The following ZNG1E variants were observed in gnomAD, a reference collection of about 807,000 sequenced individuals.
ZNG1E encodes Zn regulated GTPase metalloprotein activator 1E.
chr9:65,684,007 G>T, the ZNG1E span, among the ~76,000 whole-genome samples: 5 of 152,268 alleles, frequency 3.3e-5, no homozygotes, highest in African/African-American at 1.2e-4. Flanking sequence ...TGACACTTTT[G>T]AGAGTTTAAT....
the ZNG1E span, among the ~76,000 whole-genome samples, chr9:65,675,148 G>T: frequency 6.6e-6 from 1 of 152,082 alleles, no homozygotes; most frequent in Non-Finnish European, 1.5e-5. Flanking sequence ...ACTATCTTAT[G>T]GGGCAGGCTG....
chr9:65,704,931 C>CAAAAA, the ZNG1E span: 1 of 114,542 alleles, frequency 8.7e-6, no homozygotes, highest in Non-Finnish European at 1.8e-5. Context: ...AAAAAACAAA[C>CAAAAA]AAAAAAACCG....
At chr9:65,714,199 A>T in the ZNG1E span, among the ~76,000 whole-genome samples, 1 of 148,178 alleles carries the variant, frequency 6.7e-6, no homozygotes. Flanking sequence ...CTTGGTTTTC[A>T]GCTCCATCAG....
At chr9:65,721,658 GTA>G in the ZNG1E span, among the ~76,000 whole-genome samples, 2 of 150,452 alleles carry the variant, frequency 1.3e-5, 1 homozygote, top group African/African-American at 5.0e-5. Flanking sequence ...GAGTAGAATA[GTA>G]TAATGAGCCT....
chr9:65,670,053 A>G, the ZNG1E span, among the ~76,000 whole-genome samples: 3 of 134,010 alleles, frequency 2.2e-5, no homozygotes, highest in African/African-American at 8.7e-5. Flanking sequence ...ACAGCTAGAT[A>G]AGAGGAACTG....
chr9:65,694,105 C>T, the ZNG1E span, among the ~76,000 whole-genome samples: 1 of 150,596 alleles, frequency 6.6e-6, no homozygotes, highest in Middle Eastern at 3.2e-3. Context: ...TACAGTATTA[C>T]AGTTTCACGC....
chr9:65,667,485 A>G, the ZNG1E span, among the ~76,000 whole-genome samples: 1 of 152,286 alleles, frequency 6.6e-6, no homozygotes. Context: ...AGCGAAGCTA[A>G]CCAGTCTAAA....
chr9:65,693,809 A>G, the ZNG1E span, among the ~76,000 whole-genome samples: 10 of 151,878 alleles, frequency 6.6e-5, 1 homozygote, highest in Admixed American at 1.3e-4. Context: ...CACTTGCCTC[A>G]GCCTCCCAAA....
At chr9:65,704,927 C>CA in the ZNG1E span, 1 of 89,730 alleles carries the variant, frequency 1.1e-5, no homozygotes, top group African/African-American at 4.7e-5. Context: ...AAAAAAAAAA[C>CA]AAACAAAAAA....
the ZNG1E span, among the ~76,000 whole-genome samples, chr9:65,709,420 T>G: frequency 6.8e-6 from 1 of 146,252 alleles, no homozygotes; most frequent in Non-Finnish European, 1.5e-5. Context: ...GTTACATATG[T>G]ATACATGTGC....
chr9:65,709,966 G>A, the ZNG1E span, among the ~76,000 whole-genome samples: 21,329 of 147,478 alleles, frequency 0.14, 35 homozygotes, highest in Non-Finnish European at 0.17. Context: ...TTACAGTCCC[G>A]CCAACAGTGT....
chr9:65,679,938 T>G, the ZNG1E span, among the ~76,000 whole-genome samples: 3 of 152,260 alleles, frequency 2.0e-5, no homozygotes, highest in Non-Finnish European at 4.4e-5. Context: ...AATGCTTCTG[T>G]TATTAGTTAA....
chr9:65,714,773 G>A, the ZNG1E span, among the ~76,000 whole-genome samples: 1 of 151,690 alleles, frequency 6.6e-6, no homozygotes, highest in Non-Finnish European at 1.5e-5. Context: ...CTCCAGCTGT[G>A]TGCTGGGAGA....
chr9:65,654,118 C>T, the ZNG1E span, among the ~76,000 whole-genome samples: 9 of 151,518 alleles, frequency 5.9e-5, no homozygotes, highest in East Asian at 1.9e-4. Context: ...ATCATGGGGG[C>T]GGTTAGCCCA....
the ZNG1E span, among the ~76,000 whole-genome samples, chr9:65,686,781 A>T: frequency 6.6e-6 from 1 of 152,194 alleles, no homozygotes; most frequent in Non-Finnish European, 1.5e-5. Flanking sequence ...TGTTATGGAG[A>T]TGGCTTCTTT....
At chr9:65,662,270 T>C in the ZNG1E span, among the ~76,000 whole-genome samples, 61 of 152,140 alleles carry the variant, frequency 4.0e-4, no homozygotes, top group Admixed American at 2.0e-4. Context: ...GTCAAGGTCC[T>C]GGAAGACAAA....
the ZNG1E span, among the ~76,000 whole-genome samples, chr9:65,672,672 G>A: frequency 1.3e-5 from 2 of 149,394 alleles, no homozygotes; most frequent in South Asian, 2.1e-4. Context: ...TGAACCCAGA[G>A]GCAGAGGTTG....
chr9:65,706,697 TTTA>T, the ZNG1E span: 2 of 131,318 alleles, frequency 1.5e-5, no homozygotes, highest in African/African-American at 5.9e-5. Context: ...ACTTGGATAT[TTTA>T]TTATTTTCTG....
the ZNG1E span, among the ~76,000 whole-genome samples, chr9:65,690,305 G>T: frequency 2.7e-5 from 1 of 37,346 alleles, no homozygotes; most frequent in African/African-American, 9.9e-5. Flanking sequence ...TTCTTGCGTT[G>T]TGGCATACTA....
Sources: gnomAD v4.1 joint callset for allele counts (sites outside exome capture counted in the v4.1 genomes callset) on GRCh38, gnomAD v4.1.1 for gene constraint, MANE v1.5 for transcripts, NCBI Gene and HGNC (gene_info 2026-07-23, HGNC 2026-07-21) for gene names.